The following ATG10 variants were observed in gnomAD, a reference collection of about 807,000 sequenced individuals.
ATG10 encodes the protein autophagy related 10, also known as ubiquitin-like-conjugating enzyme ATG10.
A neutral mutation model predicts 32.1 loss-of-function variants in ATG10; 30 were observed. That is an observed-to-expected ratio of 0.94 (90% CI 0.70 to 1.27). The LOEUF (loss-of-function observed/expected upper bound fraction) is 1.27, where lower values mean the gene tolerates loss of function less well. Ranked by LOEUF, ATG10 falls within the 50% of genes most tolerant of loss-of-function variation. The pLI is 0.00. For missense variants in ATG10, 233 were observed against 262.3 expected (o/e 0.89, Z 0.77); for synonymous variants, 87 against 91.5 (o/e 0.95, Z 0.28).
intron 5 of ATG10, among the ~76,000 whole-genome samples, chr5:82,206,599 G>A (rs1185599375): frequency 3.3e-5 from 5 of 150,686 alleles, no homozygotes; most frequent in African/African-American, 4.9e-5. Flanking sequence ...GCAGTGAGCC[G>A]AGATCGCACC....
chr5:82,145,378 T>G (rs772514573), intron 3 of ATG10, among the ~76,000 whole-genome samples: 2 of 152,132 alleles, frequency 1.3e-5, no homozygotes, highest in Non-Finnish European at 1.5e-5. Flanking sequence ...GAATCTCACT[T>G]TAATTTGCCT....
intron 5 of ATG10, among the ~76,000 whole-genome samples, chr5:82,219,184 T>C (rs971803420): frequency 6.6e-5 from 10 of 152,108 alleles, no homozygotes; most frequent in Admixed American, 3.9e-4. Context: ...TTAAATGGGG[T>C]TTCATAGTAC....
At chr5:82,133,600 G>A (rs546837476) in intron 3 of ATG10, among the ~76,000 whole-genome samples, 1 of 152,196 alleles carries the variant, frequency 6.6e-6, no homozygotes, top group African/African-American at 2.4e-5. Context: ...TTTGATACAA[G>A]TACCATACTG....
At chr5:82,207,713 T>C (rs983352503) in intron 5 of ATG10, among the ~76,000 whole-genome samples, 2 of 152,166 alleles carry the variant, frequency 1.3e-5, no homozygotes, top group Non-Finnish European at 2.9e-5. Context: ...CCCAAGATCA[T>C]GAAGACAGTT....
intron 2 of ATG10, among the ~76,000 whole-genome samples, chr5:82,005,634 C>T (rs2149688121): frequency 6.6e-6 from 1 of 152,208 alleles, no homozygotes; most frequent in Non-Finnish European, 1.5e-5. Context: ...TGAAACTCTA[C>T]CTTGCTTTCT....
At chr5:82,116,910 T>G (rs1174039897) in intron 3 of ATG10, among the ~76,000 whole-genome samples, 2 of 152,146 alleles carry the variant, frequency 1.3e-5, no homozygotes, top group Admixed American at 6.6e-5. Context: ...TTCTGAGTTT[T>G]TAAGTCAAAA....
At chr5:82,034,717 G>T (rs13168323) in intron 2 of ATG10, among the ~76,000 whole-genome samples, 61,965 of 151,480 alleles carry the variant, frequency 0.41, 14,239 homozygotes, top group East Asian at 0.78. Flanking sequence ...GTGGCGCCTC[G>T]GCCCTTCCTG....
At chr5:82,008,632 G>T (rs1762045551) in intron 2 of ATG10, among the ~76,000 whole-genome samples, 1 of 152,172 alleles carries the variant, frequency 6.6e-6, no homozygotes, top group Non-Finnish European at 1.5e-5. Context: ...GCACATGCCT[G>T]GTTAACAGTG....
chr5:82,063,369 T>C (rs1763843317), intron 3 of ATG10, among the ~76,000 whole-genome samples: 1 of 152,206 alleles, frequency 6.6e-6, no homozygotes, highest in Non-Finnish European at 1.5e-5. Context: ...AGAATTAATG[T>C]TTTATCTTAA....
chr5:82,157,403 C>T (rs563437061), intron 3 of ATG10, among the ~76,000 whole-genome samples: 1 of 152,260 alleles, frequency 6.6e-6, no homozygotes, highest in African/African-American at 2.4e-5. Flanking sequence ...GTACCATATA[C>T]AACATTTACA....
At chr5:82,162,639 C>T (rs1743401382) in intron 3 of ATG10, among the ~76,000 whole-genome samples, 1 of 151,932 alleles carries the variant, frequency 6.6e-6, no homozygotes, top group Non-Finnish European at 1.5e-5. Context: ...TATAATCAAC[C>T]TAAAATATCT....
intron 3 of ATG10, among the ~76,000 whole-genome samples, chr5:82,079,242 T>A (rs1764384129): frequency 6.6e-6 from 1 of 152,130 alleles, no homozygotes; most frequent in African/African-American, 2.4e-5. Context: ...AAAAGAGGTT[T>A]AATGCACTTA....
intron 3 of ATG10, among the ~76,000 whole-genome samples, chr5:82,101,459 A>C (rs1464743145): frequency 6.6e-6 from 1 of 152,112 alleles, no homozygotes; most frequent in Non-Finnish European, 1.5e-5. Context: ...CCTGGCTGCT[A>C]TGAAGGCTGG....
intron 2 of ATG10, among the ~76,000 whole-genome samples, chr5:81,991,581 G>T (rs1156316795): frequency 6.6e-6 from 1 of 152,096 alleles, no homozygotes; most frequent in African/African-American, 2.4e-5. Flanking sequence ...ATTACCTGAG[G>T]TCAGGAGTTC....
At chr5:82,251,163 T>C (rs1236720254) in intron 5 of ATG10, among the ~76,000 whole-genome samples, 1 of 152,178 alleles carries the variant, frequency 6.6e-6, no homozygotes, top group Non-Finnish European at 1.5e-5. Context: ...CCATACCCAG[T>C]GTCACCAATA....
At chr5:82,142,210 A>G (rs1767179435) in intron 3 of ATG10, among the ~76,000 whole-genome samples, 1 of 152,228 alleles carries the variant, frequency 6.6e-6, no homozygotes, top group African/African-American at 2.4e-5. Context: ...TGTTTCCTCA[A>G]GCCAACAGGC....
intron 2 of ATG10, among the ~76,000 whole-genome samples, chr5:81,994,921 C>T (rs1415794457): frequency 6.6e-6 from 1 of 152,124 alleles, no homozygotes; most frequent in East Asian, 1.9e-4. Flanking sequence ...TGTTTTAGTT[C>T]ATCAAGACTG....
chr5:82,142,905 T>C (rs77212594), intron 3 of ATG10, among the ~76,000 whole-genome samples: 1,777 of 152,320 alleles, frequency 0.012, 43 homozygotes, highest in African/African-American at 0.041. Flanking sequence ...ATTATGTACA[T>C]GCCGTTGCTA....
intron 5 of ATG10, among the ~76,000 whole-genome samples, chr5:82,220,762 C>CT (rs536010497): frequency 0.16 from 22,914 of 141,796 alleles, 1,952 homozygotes; most frequent in African/African-American, 0.23. Flanking sequence ...CTTTCTCTCT[C>CT]TTTTTTTTTT....
Sources: gnomAD v4.1 joint callset for allele counts (sites outside exome capture counted in the v4.1 genomes callset) on GRCh38, gnomAD v4.1.1 for gene constraint, MANE v1.5 for transcripts, NCBI Gene and HGNC (gene_info 2026-07-23, HGNC 2026-07-21) for gene names.